Variants in XKR4 observed in about 807,000 individuals in gnomAD.
The protein encoded by XKR4 is XK related 4, also known as XK-related protein 4.
XKR4 carries 12 observed loss-of-function variants against 53.9 expected under a neutral mutation model. The observed-to-expected ratio is 0.22, with a 90% CI of 0.14 to 0.36. The LOEUF (loss-of-function observed/expected upper bound fraction) is 0.36. Ranked by LOEUF, XKR4 falls within the 10% of genes least tolerant of loss-of-function variation. The pLI, the probability that XKR4 is intolerant of heterozygous loss-of-function variation, is 1.00. For synonymous variants in XKR4, 354 were observed against 362.4 expected, an observed-to-expected ratio of 0.98 and a Z score of 0.26; for missense variants, 799 against 859.5, an observed-to-expected ratio of 0.93 and a Z score of 0.88.
chr8:55,289,026 G>A (rs2129374995), intron 1 of XKR4, among the ~76,000 whole-genome samples: 1 of 152,158 alleles, frequency 6.6e-6, no homozygotes, highest in Admixed American at 6.5e-5. Context: ...GTGCACCATG[G>A]TATAGATGTA....
chr8:55,484,251 G>A (rs926258565), intron 2 of XKR4, among the ~76,000 whole-genome samples: 2 of 151,844 alleles, frequency 1.3e-5, no homozygotes, highest in Non-Finnish European at 2.9e-5. Context: ...TCTACCAAAT[G>A]TTTAAATAAT....
At chr8:55,190,622 T>A (rs1255897175) in intron 1 of XKR4, among the ~76,000 whole-genome samples, 1 of 152,182 alleles carries the variant, frequency 6.6e-6, no homozygotes, top group Non-Finnish European at 1.5e-5. Context: ...GACACTGCTA[T>A]GTGGGCTTAG....
chr8:55,216,269 G>T (rs1817795474), intron 1 of XKR4, among the ~76,000 whole-genome samples: 1 of 152,104 alleles, frequency 6.6e-6, no homozygotes, highest in African/African-American at 2.4e-5. Context: ...AGGGAAATGG[G>T]GGCAAAAAAG....
At chr8:55,323,177 T>C (rs1803240891) in intron 1 of XKR4, among the ~76,000 whole-genome samples, 1 of 152,222 alleles carries the variant, frequency 6.6e-6, no homozygotes, top group Non-Finnish European at 1.5e-5. Context: ...CTTTTTAACA[T>C]ATATGTGGTA....
At chr8:55,264,451 A>G (rs1042383731) in intron 1 of XKR4, among the ~76,000 whole-genome samples, 1 of 152,220 alleles carries the variant, frequency 6.6e-6, no homozygotes, top group Non-Finnish European at 1.5e-5. Context: ...TGATGTAAGC[A>G]AATAGATGAA....
intron 1 of XKR4, among the ~76,000 whole-genome samples, chr8:55,263,300 G>T (rs749908203): frequency 6.6e-6 from 1 of 152,224 alleles, no homozygotes; most frequent in Non-Finnish European, 1.5e-5. Flanking sequence ...CACCGTGGCC[G>T]TTGTTGCCAT....
At chr8:55,503,429 C>G (rs968909051) in intron 2 of XKR4, among the ~76,000 whole-genome samples, 1 of 151,818 alleles carries the variant, frequency 6.6e-6, no homozygotes, top group African/African-American at 2.4e-5. Context: ...GTATTTTATT[C>G]TTTTTCAAGC....
At chr8:55,371,916 G>T (rs1563334802) in intron 2 of XKR4, among the ~76,000 whole-genome samples, 1 of 152,326 alleles carries the variant, frequency 6.6e-6, no homozygotes, top group East Asian at 1.9e-4. Context: ...TAAGGGGCCT[G>T]ACTATTTTTA....
At chr8:55,495,036 TG>T (rs111638894) in intron 2 of XKR4, among the ~76,000 whole-genome samples, 7,950 of 152,212 alleles carry the variant, frequency 0.052, 596 homozygotes, top group East Asian at 0.28. Context: ...AGCACCAGGC[TG>T]TCCTCAATAC....
intron 1 of XKR4, among the ~76,000 whole-genome samples, chr8:55,176,281 G>A (rs973784208): frequency 1.3e-5 from 2 of 152,328 alleles, no homozygotes; most frequent in East Asian, 3.9e-4. Flanking sequence ...TGAGCACTGC[G>A]ACATGGATTA....
chr8:55,233,146 CA>C (rs1317034135), intron 1 of XKR4, among the ~76,000 whole-genome samples: 1 of 152,170 alleles, frequency 6.6e-6, no homozygotes, highest in African/African-American at 2.4e-5. Flanking sequence ...AGGGGGAATT[CA>C]TTATAAGGAC....
At chr8:55,451,549 C>A in intron 2 of XKR4, 1 of 1,062,988 alleles carries the variant, frequency 9.4e-7, no homozygotes, top group Non-Finnish European at 1.4e-6. Context: ...GCCGTACAGG[C>A]CCCCAGAATG....
chr8:55,165,816 A>T (rs2129357831), intron 1 of XKR4, among the ~76,000 whole-genome samples: 1 of 151,992 alleles, frequency 6.6e-6, no homozygotes, highest in Admixed American at 6.5e-5. Context: ...AAAAAAAAAA[A>T]AAGAAAAAAA....
chr8:55,451,019 C>G, intron 2 of XKR4: 1 of 552,202 alleles, frequency 1.8e-6, no homozygotes, highest in Middle Eastern at 3.5e-4. Flanking sequence ...TGAAGCTAGC[C>G]TTCACCTGCC....
chr8:55,201,799 C>T (rs1282359338), intron 1 of XKR4, among the ~76,000 whole-genome samples: 2 of 152,174 alleles, frequency 1.3e-5, no homozygotes, highest in African/African-American at 4.8e-5. Context: ...CACATTCCTG[C>T]TGAATTGGTA....
At chr8:55,182,435 T>C (rs1817323716) in intron 1 of XKR4, among the ~76,000 whole-genome samples, 1 of 152,206 alleles carries the variant, frequency 6.6e-6, no homozygotes, top group South Asian at 2.1e-4. Context: ...TTCATAGTTT[T>C]ATGTTTTAGA....
Position 55,301,099 on chromosome 8 carries a change from C to A in XKR4, c.807-56579C>A, listed in dbSNP as rs181202726. Among the ~76,000 whole-genome samples the A allele has an allele frequency of 3.6e-3, 551 of 151,458 alleles. 3 individuals carry two copies. Among genetic ancestry groups the A allele is most frequent in the African/African-American group, 0.013 (525 of 41,220 alleles). ...CATGCTGGTGTGCTGCACCCATTAA[C>A]TGGTCATTTAGCATTAGGTGTATCT... is the stretch of plus-strand genomic sequence containing the variant. On this transcript the variant is annotated intron_variant, in intron 1 of 2. Coordinates refer to ENST00000327381, the MANE Select transcript of XKR4 (RefSeq NM_052898.2).
intron 2 of XKR4, among the ~76,000 whole-genome samples, chr8:55,495,556 G>A (rs1210967274): frequency 6.6e-6 from 1 of 152,216 alleles, no homozygotes; most frequent in Non-Finnish European, 1.5e-5. Context: ...CCATCACAGT[G>A]GCTTCCAGGG....
At chr8:55,231,517 G>T (rs576183736) in intron 1 of XKR4, among the ~76,000 whole-genome samples, 8 of 152,234 alleles carry the variant, frequency 5.3e-5, no homozygotes, top group Non-Finnish European at 7.4e-5. Flanking sequence ...AGTGATCATG[G>T]CTCACTGCTT....
Sources: gnomAD v4.1 joint callset for allele counts (sites outside exome capture counted in the v4.1 genomes callset) on GRCh38, gnomAD v4.1.1 for gene constraint, MANE v1.5 for transcripts, NCBI Gene and HGNC (gene_info 2026-07-23, HGNC 2026-07-21) for gene names.